BLTP3B: variants seen among roughly 807,000 people sequenced by gnomAD.
The protein encoded by BLTP3B is UHRF1 (ICBP90) binding protein 1-like.
At chr12:100,064,334 A>C in the BLTP3B span, among the ~76,000 whole-genome samples, 2 of 152,232 alleles carry the variant, frequency 1.3e-5, no homozygotes, top group African/African-American at 4.8e-5. Flanking sequence ...CTAAGGAGGA[A>C]GAGAAATCTA....
the BLTP3B span, chr12:100,098,289 T>A: frequency 6.7e-6 from 10 of 1,488,796 alleles, no homozygotes; most frequent in Non-Finnish European, 8.9e-6. Flanking sequence ...TGTGATTTTT[T>A]TAATCGTCCT....
the BLTP3B span, among the ~76,000 whole-genome samples, chr12:100,088,518 C>A: frequency 0.13 from 20,213 of 152,086 alleles, 2,387 homozygotes; most frequent in African/African-American, 0.31. Context: ...AGAAAAACTG[C>A]AATGCTGAAA....
the BLTP3B span, among the ~76,000 whole-genome samples, chr12:100,131,009 G>A: frequency 4.1e-4 from 48 of 116,306 alleles, no homozygotes; most frequent in Middle Eastern, 3.8e-3. Flanking sequence ...GAGAGAGAGA[G>A]AGAGAGAGAG....
chr12:100,104,525 T>A, the BLTP3B span, among the ~76,000 whole-genome samples: 22 of 140,562 alleles, frequency 1.6e-4, no homozygotes, highest in East Asian at 4.3e-3. Context: ...CTTTTAAGTA[T>A]CTTTTTTTTT....
At chr12:100,049,828 C>T in the BLTP3B span, among the ~76,000 whole-genome samples, 3 of 152,088 alleles carry the variant, frequency 2.0e-5, no homozygotes, top group Admixed American at 2.0e-4. Flanking sequence ...GCCTTTTTAT[C>T]TGTCTAGGTC....
chr12:100,131,016 AG>A, the BLTP3B span, among the ~76,000 whole-genome samples: 1 of 150,810 alleles, frequency 6.6e-6, no homozygotes, highest in African/African-American at 2.4e-5. Flanking sequence ...AGAGAGAGAG[AG>A]AGAGAGAGAG....
chr12:100,087,972 T>C, the BLTP3B span, among the ~76,000 whole-genome samples: 1,569 of 152,238 alleles, frequency 0.01, 36 homozygotes, highest in African/African-American at 0.035. Context: ...GAACAAAAGA[T>C]AACAAATCCC....
At chr12:100,057,894 A>C in the BLTP3B span, 1 of 1,300,270 alleles carries the variant, frequency 7.7e-7, no homozygotes, top group East Asian at 2.5e-5. Flanking sequence ...CATATTTTGA[A>C]ACATCTACTC....
chr12:100,082,446 T>C, the BLTP3B span, among the ~76,000 whole-genome samples: 2 of 152,240 alleles, frequency 1.3e-5, no homozygotes. Context: ...TTTGGAGTCT[T>C]CCTCATGAGA....
chr12:100,126,448 A>G, the BLTP3B span, among the ~76,000 whole-genome samples: 7 of 151,886 alleles, frequency 4.6e-5, no homozygotes, highest in African/African-American at 1.5e-4. Flanking sequence ...AACTCAAGTG[A>G]GAGGAGAAAA....
At chr12:100,085,610 G>A in the BLTP3B span, among the ~76,000 whole-genome samples, 1 of 152,246 alleles carries the variant, frequency 6.6e-6, no homozygotes, top group Non-Finnish European at 1.5e-5. Flanking sequence ...ACAAAAATGT[G>A]TGAACAGAAA....
the BLTP3B span, among the ~76,000 whole-genome samples, chr12:100,041,725 G>A: frequency 0.04 from 6,148 of 152,140 alleles, 192 homozygotes; most frequent in Non-Finnish European, 0.059. Context: ...GTGAGCCACC[G>A]CGCCCGGCCT....
the BLTP3B span, among the ~76,000 whole-genome samples, chr12:100,134,643 T>C: frequency 1.3e-5 from 2 of 151,716 alleles, no homozygotes; most frequent in Non-Finnish European, 2.9e-5. Context: ...CGAACTTTCA[T>C]CCAACTTAAC....
At chr12:100,074,125 C>A in the BLTP3B span, among the ~76,000 whole-genome samples, 1 of 152,118 alleles carries the variant, frequency 6.6e-6, no homozygotes. Context: ...ATGCTAAACT[C>A]CACGAAAAGA....
the BLTP3B span, among the ~76,000 whole-genome samples, chr12:100,093,379 G>A: frequency 8.0e-6 from 1 of 124,980 alleles, no homozygotes; most frequent in Non-Finnish European, 1.7e-5. Context: ...CGATTCTTTC[G>A]AGTTACCTGC....
At chr12:100,079,245 AG>A in the BLTP3B span, among the ~76,000 whole-genome samples, 1 of 152,188 alleles carries the variant, frequency 6.6e-6, no homozygotes, top group African/African-American at 2.4e-5. Flanking sequence ...AACAGTTTGG[AG>A]GGGTCAGAAG....
chr12:100,068,551 A>C, the BLTP3B span, among the ~76,000 whole-genome samples: 2 of 152,266 alleles, frequency 1.3e-5, no homozygotes, highest in African/African-American at 4.8e-5. Flanking sequence ...AAGAGTAAAC[A>C]GACAACCCAC....
chr12:100,085,346 C>CAAA, the BLTP3B span, among the ~76,000 whole-genome samples: 1 of 114,770 alleles, frequency 8.7e-6, no homozygotes. Context: ...GGCCTTGGAT[C>CAAA]AAAAAAAAAA....
At chr12:100,131,737 A>G in the BLTP3B span, among the ~76,000 whole-genome samples, 1 of 152,210 alleles carries the variant, frequency 6.6e-6, no homozygotes, top group Non-Finnish European at 1.5e-5. Context: ...GAAAATAACC[A>G]AAAGTCTTTT....
Sources: allele counts gnomAD v4.1 joint callset (sites outside exome capture counted in the v4.1 genomes callset), GRCh38; gene constraint gnomAD v4.1.1; transcripts MANE v1.5; gene names NCBI Gene and HGNC (gene_info 2026-07-23, HGNC 2026-07-21).